RYR2: variants seen among roughly 807,000 people sequenced by gnomAD.
The protein encoded by RYR2 is cardiac muscle ryanodine receptor-calcium release channel.
In RYR2, 227 loss-of-function variants were observed where a neutral mutation model predicts 601.1. That is an observed-to-expected ratio of 0.38 (90% CI 0.34 to 0.42). RYR2 has a LOEUF of 0.42. RYR2 is among the 10% of genes least tolerant of loss of function. RYR2 has a pLI of 1.00. For missense variants in RYR2, 4,646 were observed against 6,156.5 expected (o/e 0.75, Z 8.21); for synonymous variants, 2,223 against 2,175.1 (o/e 1.02, Z -0.61).
intron 1 of RYR2, among the ~76,000 whole-genome samples, chr1:237,081,280 T>TAAAAAAA (rs397815900): frequency 8.9e-5 from 5 of 56,256 alleles, no homozygotes; most frequent in African/African-American, 1.9e-4. Context: ...TAGAGTATAA[T>TAAAAAAA]AAAAAAAAAA....
rs1271372648 is a variant in RYR2 at position 237,705,256 on chromosome 1, G to A, written c.9493G>A (p.Ala3165Thr). The A allele has an allele frequency of 6.2e-7, 1 of 1,607,076 alleles. No individual in the cohort carries two copies. Among genetic ancestry groups the A allele is most frequent in the African/African-American group, 1.3e-5 (1 of 74,860 alleles). ...LGECLAAFAG[A>T]FPVAFLETHL... Reference sequence around the variant, plus strand: ...AGAATGTCTAGCTGCCTTTGCTGGTGCTTTTCCTGTAGCATTTTTGGAAAC... The same window carrying A: ...AGAATGTCTAGCTGCCTTTGCTGGTACTTTTCCTGTAGCATTTTTGGAAAC... The change falls in exon 67 of 105, where the codon GCT (alanine) becomes ACT (threonine). Residue 3165 changes from alanine (A) to threonine (T), a missense_variant. Coordinates refer to ENST00000366574, the MANE Select transcript of RYR2 (RefSeq NM_001035.3).
At chr1:237,118,534 C>T (rs183876727) in intron 1 of RYR2, among the ~76,000 whole-genome samples, 27 of 152,002 alleles carry the variant, frequency 1.8e-4, no homozygotes, top group Middle Eastern at 3.4e-3. Flanking sequence ...ACAGAGACAA[C>T]GGTAGAATGG....
chr1:237,337,677 T>G (rs1320312645), intron 3 of RYR2, among the ~76,000 whole-genome samples: 1 of 152,198 alleles, frequency 6.6e-6, no homozygotes, highest in Non-Finnish European at 1.5e-5. Flanking sequence ...TATGCTGTCA[T>G]CATTGTGATG....
chr1:237,201,434 T>G (rs565513225), intron 1 of RYR2, among the ~76,000 whole-genome samples: 2 of 152,318 alleles, frequency 1.3e-5, no homozygotes, highest in African/African-American at 4.8e-5. Flanking sequence ...CTGAAATAGC[T>G]TTGTGAGTCT....
intron 1 of RYR2, among the ~76,000 whole-genome samples, chr1:237,071,029 C>T (rs528316763): frequency 3.9e-5 from 6 of 152,272 alleles, no homozygotes; most frequent in East Asian, 1.9e-4. Context: ...ACAACTCTTT[C>T]GGTCCTGCCA....
intron 1 of RYR2, among the ~76,000 whole-genome samples, chr1:237,053,174 C>A (rs747853176): frequency 6.6e-6 from 1 of 152,090 alleles, no homozygotes; most frequent in East Asian, 1.9e-4. Flanking sequence ...TAGACTATCC[C>A]GTTAGTTCCC....
intron 79 of RYR2, among the ~76,000 whole-genome samples, chr1:237,739,751 C>T (rs1364234302): frequency 6.6e-6 from 1 of 152,152 alleles, no homozygotes; most frequent in South Asian, 2.1e-4. Context: ...ATGAAAGTTT[C>T]TGGGTTTTGA....
intron 3 of RYR2, among the ~76,000 whole-genome samples, chr1:237,339,627 A>G (rs1697576845): frequency 6.6e-6 from 1 of 152,166 alleles, no homozygotes; most frequent in Admixed American, 6.5e-5. Flanking sequence ...TTTTTAAAAA[A>G]TCAGGACACA....
chr1:237,493,638 G>A (rs1279767969), intron 19 of RYR2, among the ~76,000 whole-genome samples: 1 of 152,046 alleles, frequency 6.6e-6, no homozygotes, highest in African/African-American at 2.4e-5. Context: ...ATTTTTAGTA[G>A]AGACAGGGTT....
At chr1:237,718,578 C>T in intron 73 of RYR2, 57 bp downstream of exon 73, 2 of 854,408 alleles carry the variant, frequency 2.3e-6, no homozygotes, top group Non-Finnish European at 3.9e-6. Flanking sequence ...GTTAATCTCT[C>T]TTTAAAATAA....
chr1:237,166,478 C>G (rs1456735599), intron 1 of RYR2, among the ~76,000 whole-genome samples: 1 of 125,464 alleles, frequency 8.0e-6, no homozygotes, highest in Admixed American at 9.6e-5. Flanking sequence ...AGGGCTGGAG[C>G]CTAGATTTTT....
intron 1 of RYR2, among the ~76,000 whole-genome samples, chr1:237,130,070 G>C (rs960404671): frequency 6.6e-6 from 1 of 152,028 alleles, no homozygotes; most frequent in Non-Finnish European, 1.5e-5. Context: ...ATGTATGCTT[G>C]AGAATTGCTA....
chr1:237,643,256 C>T, intron 47 of RYR2, 71 bp from the exon 48 acceptor site: 1 of 1,568,164 alleles, frequency 6.4e-7, no homozygotes, highest in Non-Finnish European at 8.7e-7. Context: ...TCCAATACTT[C>T]AGATTTCCTA....
chr1:237,609,417 T>C (rs1759117), intron 35 of RYR2, among the ~76,000 whole-genome samples: 52,783 of 144,528 alleles, frequency 0.37, 10,796 homozygotes, highest in Admixed American at 0.5. Flanking sequence ...TCACCCAGGC[T>C]GGAGTGCAGT....
At chr1:237,104,867 T>C (rs1177054552) in intron 1 of RYR2, among the ~76,000 whole-genome samples, 2 of 152,134 alleles carry the variant, frequency 1.3e-5, no homozygotes, top group Non-Finnish European at 2.9e-5. Context: ...TATCGTGCAG[T>C]GGAGATTCAA....
chr1:237,701,067 C>T (rs555090364), intron 65 of RYR2, among the ~76,000 whole-genome samples: 31 of 152,316 alleles, frequency 2.0e-4, no homozygotes, highest in Admixed American at 4.6e-4. Flanking sequence ...TGTTTGAACT[C>T]CCCACTGCCC....
chr1:237,130,811 G>A (rs12409033), intron 1 of RYR2, among the ~76,000 whole-genome samples: 4,774 of 152,194 alleles, frequency 0.031, 129 homozygotes, highest in Admixed American at 0.074. Flanking sequence ...AGATAACATC[G>A]CCATATGCCT....
intron 44 of RYR2, among the ~76,000 whole-genome samples, chr1:237,635,487 C>T (rs925027870): frequency 5.9e-5 from 9 of 152,050 alleles, no homozygotes; most frequent in Non-Finnish European, 1.3e-4. Context: ...AAAGCATCAG[C>T]GATATAGTAA....
intron 92 of RYR2, among the ~76,000 whole-genome samples, chr1:237,790,013 G>A (rs1270472538): frequency 1.3e-5 from 2 of 152,208 alleles, no homozygotes; most frequent in African/African-American, 4.8e-5. Context: ...GAGATGGGCT[G>A]TGTACACAGA....
Sources: allele counts gnomAD v4.1 joint callset (sites outside exome capture counted in the v4.1 genomes callset), GRCh38; gene constraint gnomAD v4.1.1; transcripts MANE v1.5; gene names NCBI Gene and HGNC (gene_info 2026-07-23, HGNC 2026-07-21).